BNC1: variants seen among roughly 807,000 people sequenced by gnomAD.
BNC1 encodes the protein zinc finger protein basonuclin-1.
A neutral mutation model predicts 66.5 loss-of-function variants in BNC1; 8 were observed. That is an observed-to-expected ratio of 0.12 (90% confidence interval 0.07 to 0.22). The LOEUF is 0.22. Ranked by LOEUF, BNC1 falls within the 10% of genes least tolerant of loss-of-function variation. The pLI is 1.00. For missense variants in BNC1, 1,069 were observed against 1,241.3 expected, an observed-to-expected ratio of 0.86 and a Z score of 2.09; for synonymous variants, 454 against 452.6, an observed-to-expected ratio of 1.00 and a Z score of -0.04.
intron 1 of BNC1, among the ~76,000 whole-genome samples, chr15:83,279,844 G>A (rs1439828916): frequency 6.6e-6 from 1 of 152,196 alleles, no homozygotes; most frequent in African/African-American, 2.4e-5. Context: ...CCAAGTATGA[G>A]GATGAAATGA....
intron 1 of BNC1, among the ~76,000 whole-genome samples, chr15:83,280,191 C>G (rs1237278593): frequency 1.3e-5 from 2 of 152,046 alleles, no homozygotes; most frequent in African/African-American, 2.4e-5. Flanking sequence ...CCAAATATTT[C>G]TTCTTTAAAA....
intron 1 of BNC1, among the ~76,000 whole-genome samples, chr15:83,275,035 A>G (rs570208328): frequency 6.6e-6 from 1 of 152,256 alleles, no homozygotes; most frequent in Non-Finnish European, 1.5e-5. Context: ...CATTCATTGA[A>G]TAAGTATTTA....
Position 83,257,211 on chromosome 15 carries a change from G to GT in BNC1, c.*230dup, listed in dbSNP as rs1311185744. 2 of 571,536 alleles carry GT rather than the reference G, an allele frequency of 3.5e-6. No homozygotes were observed. The highest frequency in any genetic ancestry group is 3.8e-5 in the African/African-American group (2 of 53,124). 35.4% of individuals were successfully genotyped at this position (571,536 alleles called of 1,614,324 possible). ...AATCACATTTCTGCAAGTTTTCCTT[G>GT]TATCAGTGAAAGACCTCTTGGGCTA... On this transcript the variant is annotated 3_prime_UTR_variant, in exon 5 of 5. Transcript: ENST00000345382.
chr15:83,256,114 C>A lies in BNC1; in HGVS notation c.*1328G>T, dbSNP rs2038070630. 6.6e-6 allele frequency: 1 copy of A among 152,364 alleles called. No individual in the cohort carries two copies. The highest frequency in any genetic ancestry group is 1.5e-5 in the Non-Finnish European group (1 of 68,002). The allele number at this position is 152,364 out of a possible 1,614,324, so 9.4% of individuals were successfully genotyped here. On this transcript the variant is annotated 3_prime_UTR_variant, in exon 5 of 5. Transcript: ENST00000345382. Reference sequence around the variant, plus strand: ...GTTGTTGGCTTTTTAACCTTTAGACCACAGAAATAATCTCTCTTATAACCC... The same window carrying A: ...GTTGTTGGCTTTTTAACCTTTAGACAACAGAAATAATCTCTCTTATAACCC...
At chr15:83,266,685 G>A in intron 3 of BNC1, 151 bp downstream of exon 3, 1 of 683,324 alleles carries the variant, frequency 1.5e-6, no homozygotes, top group Non-Finnish European at 2.5e-6. Context: ...CCAAGAACAT[G>A]AGGTAGGGGC....
At position 83,257,655 on chromosome 15, in the gene BNC1, A is replaced by G; in HGVS notation, c.2772T>C (p.Ser924=). 6.2e-7 allele frequency: 1 copy of G among 1,614,178 alleles called. No individual in the cohort carries two copies. Residue 924 remains serine (S), a synonymous_variant, in exon 5 of 5, where the codon TCT becomes TCC. Transcript: ENST00000345382. ...KADQSLASLP[S]GLPITCHLCQ... is the part of the protein sequence containing the mutation. ...AGAGATGACAGGTTATGGGCAACCCAGAAGGCAGGCTAGCAAGGCTCTGGT... is the reference window on the plus strand; with the variant it reads ...AGAGATGACAGGTTATGGGCAACCCGGAAGGCAGGCTAGCAAGGCTCTGGT...
chr15:83,283,457 C>T, intron 1 of BNC1: 1 of 1,213,928 alleles, frequency 8.2e-7, no homozygotes, highest in Non-Finnish European at 1.0e-6. Context: ...ACGGAACCGA[C>T]GGGGCGCTCC....
chr15:83,284,339 C>G (rs930244531), intron 1 of BNC1, among the ~76,000 whole-genome samples, 191 bp downstream of exon 1: 5 of 151,976 alleles, frequency 3.3e-5, no homozygotes, highest in South Asian at 4.1e-4. Context: ...CCCAACCCCC[C>G]CGCCGCCGCC....
intron 1 of BNC1, chr15:83,283,351 G>C: frequency 7.0e-7 from 1 of 1,434,082 alleles, no homozygotes; most frequent in East Asian, 2.7e-5. Context: ...TCCGGGTCTG[G>C]GCGGCGGCTC....
chr15:83,277,843 G>A (rs73438960), intron 1 of BNC1, among the ~76,000 whole-genome samples: 1,621 of 152,204 alleles, frequency 0.011, 32 homozygotes, highest in African/African-American at 0.037. Flanking sequence ...CATCATTCAA[G>A]GGTGGGAGTT....
chr15:83,257,736 C>T lies in BNC1; in HGVS notation c.2691G>A (p.Ser897=), dbSNP rs764891647. ...MEDSDGNCEG[S]SLVPGEDEYP... is the part of the protein sequence containing the mutation. ...ACTCATCTTCCCCAGGGACAAGGCTCGACCCTTCACAGTTCCCATCACTGT... is the reference window on the plus strand; with the variant it reads ...ACTCATCTTCCCCAGGGACAAGGCTTGACCCTTCACAGTTCCCATCACTGT... Residue 897 remains serine (S), a synonymous_variant, in exon 5 of 5, where the codon TCG becomes TCA. Transcript: ENST00000345382. 6.8e-6 allele frequency: 11 copies of T among 1,614,106 alleles called. No individual in the cohort carries two copies. Among genetic ancestry groups the T allele is most frequent in the South Asian group, 6.6e-5 (6 of 91,074 alleles).
At position 83,257,668 on chromosome 15, in the gene BNC1, G is replaced by C. The variant is rs778256330; in HGVS notation, c.2759C>G (p.Ala920Gly). ...VLMEKADQSLASLPSGLPITC... is the reference protein window; with the variant it reads ...VLMEKADQSLGSLPSGLPITC... ...TATGGGCAACCCAGAAGGCAGGCTA[G>C]CAAGGCTCTGGTCAGCCTTCTCCAT... The change falls in exon 5 of 5, where the codon GCT becomes GGT. Residue 920 changes from alanine to glycine, a missense_variant. By Grantham distance (60) the Ala-to-Gly change is moderately conservative. Coordinates refer to ENST00000345382, the MANE Select transcript of BNC1 (RefSeq NM_001717.4). The C allele has an allele frequency of 2.3e-5, 37 of 1,614,004 alleles. No homozygotes were observed. Among genetic ancestry groups the C allele is most frequent in the Non-Finnish European group, 1.4e-5 (17 of 1,180,018 alleles).
At chr15:83,279,028 G>A (rs182362502) in intron 1 of BNC1, among the ~76,000 whole-genome samples, 19 of 152,252 alleles carry the variant, frequency 1.2e-4, no homozygotes, top group African/African-American at 4.3e-4. Context: ...GAAACCAACT[G>A]TAATATAAAG....
chr15:83,272,283 T>C (rs1006730698), intron 1 of BNC1, among the ~76,000 whole-genome samples: 1 of 152,114 alleles, frequency 6.6e-6, no homozygotes, highest in African/African-American at 2.4e-5. Flanking sequence ...CAGGCTGGAG[T>C]GCAGTGGCAC....
chr15:83,257,347 G>A lies in BNC1; in HGVS notation c.*95C>T, dbSNP rs2038084542. On this transcript the variant is annotated 3_prime_UTR_variant, in exon 5 of 5. Coordinates refer to ENST00000345382, the MANE Select transcript of BNC1 (RefSeq NM_001717.4). ...CAAATCAAATACTTTTGCCTGACTC[G>A]CCCCAAATGATATGAAACAGAAACA... 14 of 1,368,804 alleles carry A rather than the reference G, an allele frequency of 1.0e-5. No homozygotes were observed. In the East Asian group the frequency reaches 2.5e-4, roughly 25 times the overall value. 84.8% of individuals were successfully genotyped at this position (1,368,804 alleles called of 1,614,324 possible).
rs1394209221 is a variant in BNC1 at position 83,274,890 on chromosome 15, C to T, written c.100-6658G>A. On this transcript the variant is annotated intron_variant, in intron 1 of 4. Transcript: ENST00000345382. The stretch of plus-strand genomic sequence containing the variant: ...AAATTTGGATACTAGGGGAGGATTA[C>T]GCCTTGAAATATCAGTATTTGGTGC... Among the ~76,000 whole-genome samples, 8 of 152,302 alleles carry T rather than the reference C, an allele frequency of 5.3e-5. No individual in the cohort carries two copies. The East Asian group carries it at 7.7e-4, about 15-fold the overall frequency.
Position 83,264,610 on chromosome 15 carries a change from C to T in BNC1, c.641G>A (p.Arg214Lys). The T allele has an allele frequency of 6.2e-7, 1 of 1,614,128 alleles. No homozygotes were observed. Among genetic ancestry groups the T allele is most frequent in the Non-Finnish European group, 8.5e-7 (1 of 1,180,018 alleles). Residue 214 changes from arginine (R) to lysine (K), a missense_variant, in exon 4 of 5, where the codon AGG becomes AAG. Transcript: ENST00000345382. ...CACAGGAGTGGGGAGGCTAGAACTC[C>T]TGTGACTGCAGCTCTCGATGAAAGC... ...IRAFIESCSH[R>K]SSSLPTPVDK...
At position 83,263,293 on chromosome 15, in the gene BNC1, C is replaced by T. The variant is rs747253277; in HGVS notation, c.1958G>A (p.Gly653Asp). Residue 653 changes from glycine to aspartate, a missense_variant, in exon 4 of 5, where the codon GGC (glycine) becomes GAC (aspartate). Physicochemically the swap from Gly to Asp is moderately conservative, Grantham distance 94 (BLOSUM62 -1). Coordinates refer to ENST00000345382, the MANE Select transcript of BNC1 (RefSeq NM_001717.4). ...CCCAGGTGTGAAGTAGTGTTCATGG[C>T]CACCATCCTCGACCTCCCTTGGCAC... is the stretch of plus-strand genomic sequence containing the variant. ...IMVPREVEDG[G>D]HEHYFTPGME... is the part of the protein sequence containing the mutation. 2.5e-6 allele frequency: 4 copies of T among 1,614,068 alleles called. No homozygotes were observed. The South Asian group carries it at 4.4e-5, about 18-fold the overall frequency.
intron 1 of BNC1, among the ~76,000 whole-genome samples, chr15:83,280,564 G>C (rs2038367697): frequency 6.6e-6 from 1 of 152,142 alleles, no homozygotes; most frequent in Admixed American, 6.5e-5. Context: ...AAAAAGAAAA[G>C]ATCAAACTTA....
Sources: allele counts gnomAD v4.1 joint callset (sites outside exome capture counted in the v4.1 genomes callset), GRCh38; gene constraint gnomAD v4.1.1; transcripts MANE v1.5; gene names NCBI Gene and HGNC (gene_info 2026-07-23, HGNC 2026-07-21).